ROR1: variants seen among roughly 807,000 people sequenced by gnomAD.
ROR1 encodes ROR family WNT receptor 1.
ROR1 carries 19 observed loss-of-function variants against 78.8 expected under a neutral mutation model. The ratio of observed to expected loss-of-function variants is 0.24; its 90% confidence interval spans 0.17 to 0.35. The LOEUF is 0.35. Among genes scored for constraint, ROR1 ranks in the 10% least tolerant of loss-of-function variants. ROR1 has a pLI of 1.00. For synonymous variants in ROR1, 386 were observed against 433.6 expected, an observed-to-expected ratio of 0.89 and a Z score of 1.36; for missense variants, 917 against 1,177.8, an observed-to-expected ratio of 0.78 and a Z score of 3.24.
intron 1 of ROR1, among the ~76,000 whole-genome samples, chr1:63,812,235 G>A (rs999978221): frequency 2.6e-5 from 4 of 152,206 alleles, no homozygotes; most frequent in Admixed American, 6.5e-5. Flanking sequence ...GCTGGAGTTC[G>A]CTAACCAAGG....
chr1:63,989,104 C>T (rs752538610), intron 1 of ROR1, among the ~76,000 whole-genome samples: 2 of 150,834 alleles, frequency 1.3e-5, no homozygotes, highest in South Asian at 2.1e-4. Flanking sequence ...TACATTCCTA[C>T]GAGCAGTGCA....
intron 8 of ROR1, among the ~76,000 whole-genome samples, chr1:64,161,042 C>G (rs972819900): frequency 3.9e-5 from 6 of 152,228 alleles, no homozygotes; most frequent in African/African-American, 1.4e-4. Flanking sequence ...CACATGATCT[C>G]CAACAGAAAT....
chr1:63,834,400 G>A lies in ROR1; in HGVS notation c.91+59892G>A, dbSNP rs116433780. Among the ~76,000 whole-genome samples, 976 of 150,130 alleles carry A rather than the reference G, an allele frequency of 6.5e-3. 11 individuals are homozygous for A. Among genetic ancestry groups the A allele is most frequent in the African/African-American group, 0.023 (944 of 40,966 alleles). On this transcript the variant is annotated intron_variant, in intron 1 of 8. Coordinates refer to ENST00000371079, the MANE Select transcript of ROR1 (RefSeq NM_005012.4). ...TTCCAGGTTTCTAGTTGATGTTACT[G>A]TTAAAAACAGAAGATGTTCAAACAT...
At chr1:64,159,219 T>G in intron 8 of ROR1, 27 bp downstream of exon 8, 1 of 1,551,386 alleles carries the variant, frequency 6.4e-7, no homozygotes, top group Non-Finnish European at 8.9e-7. Context: ...AGAGCTACAT[T>G]TGTTCCGTGG....
intron 4 of ROR1, among the ~76,000 whole-genome samples, chr1:64,123,059 C>A (rs1481637745): frequency 6.6e-6 from 1 of 152,162 alleles, no homozygotes; most frequent in Non-Finnish European, 1.5e-5. Flanking sequence ...AACTGATGCA[C>A]CATCTTGATT....
intron 4 of ROR1, among the ~76,000 whole-genome samples, chr1:64,131,971 A>G (rs1648927970): frequency 6.6e-6 from 1 of 152,164 alleles, no homozygotes; most frequent in South Asian, 2.1e-4. Flanking sequence ...GTATATTCAT[A>G]ATGTTGTATA....
chr1:64,178,023 CT>C lies in ROR1; in HGVS notation c.1983del (p.Glu662LysfsTer40). On this transcript the variant is annotated frameshift_variant, in exon 9 of 9. Transcript: ENST00000371079. LOFTEE classifies it high-confidence loss of function. The surrounding 1 kb of genome is among the most constrained non-coding windows in gnomAD (Gnocchi z 4.3). ...KSLLPIRWMP[P>X]EAIMYGKFSS... ...TTGCTGCCCATTCGCTGGATGCCCC[CT>C]GAAGCCATCATGTATGGCAAATTCT... 6.2e-7 allele frequency: 1 copy of C among 1,614,202 alleles called. No homozygotes were observed. The highest frequency in any genetic ancestry group is 8.5e-7 in the Non-Finnish European group (1 of 1,180,032).
chr1:64,155,755 C>G (rs994849149), intron 7 of ROR1, among the ~76,000 whole-genome samples: 1 of 152,162 alleles, frequency 6.6e-6, no homozygotes, highest in Non-Finnish European at 1.5e-5. Context: ...CTAAATTAGC[C>G]TCATCGCTTT....
At chr1:63,877,631 A>C (rs1645296430) in intron 1 of ROR1, among the ~76,000 whole-genome samples, 2 of 152,298 alleles carry the variant, frequency 1.3e-5, no homozygotes, top group Non-Finnish European at 2.9e-5. Context: ...CTGAAGACTC[A>C]GTAAGTAAAT....
intron 2 of ROR1, among the ~76,000 whole-genome samples, chr1:64,014,721 A>ATATATATATATATATATGTG (rs200268487): frequency 1.8e-5 from 1 of 55,330 alleles, no homozygotes; most frequent in South Asian, 9.1e-4. Context: ...GACTATATAT[A>ATATATATATATATATATGTG]TATATACACA....
At chr1:64,050,758 C>A (rs1448062896) in intron 4 of ROR1, 42 bp downstream of exon 4, 1 of 1,602,788 alleles carries the variant, frequency 6.2e-7, no homozygotes, top group Non-Finnish European at 8.5e-7. Context: ...CTAAGTGTTT[C>A]TCCGTGGTTT....
At chr1:63,846,427 TG>T (rs1212118514) in intron 1 of ROR1, among the ~76,000 whole-genome samples, 1 of 152,136 alleles carries the variant, frequency 6.6e-6, no homozygotes, top group Non-Finnish European at 1.5e-5. Flanking sequence ...AATGTCAAGG[TG>T]GGGGCCCTAT....
intron 1 of ROR1, among the ~76,000 whole-genome samples, chr1:63,780,669 G>A (rs903762556): frequency 6.6e-6 from 1 of 152,164 alleles, no homozygotes; most frequent in Non-Finnish European, 1.5e-5. Flanking sequence ...TGTTTTATAG[G>A]GAGCATGCAG....
intron 4 of ROR1, among the ~76,000 whole-genome samples, chr1:64,067,421 G>A (rs1055340797): frequency 8.6e-5 from 12 of 139,240 alleles, no homozygotes; most frequent in East Asian, 8.3e-4. Flanking sequence ...CTCCAGCCTG[G>A]GCGACAGAGC....
chr1:64,046,504 A>T (rs959104325), intron 2 of ROR1, among the ~76,000 whole-genome samples: 1 of 152,100 alleles, frequency 6.6e-6, no homozygotes, highest in Non-Finnish European at 1.5e-5. Context: ...TGCAACCCTC[A>T]TGTTGTTTTT....
chr1:64,125,771 C>G (rs186057833), intron 4 of ROR1, among the ~76,000 whole-genome samples: 5 of 152,106 alleles, frequency 3.3e-5, no homozygotes, highest in African/African-American at 1.2e-4. Flanking sequence ...TGAGGGCTTG[C>G]TAAAGGCTGA....
intron 4 of ROR1, chr1:64,106,632 A>G (rs1647823070): frequency 6.6e-6 from 1 of 152,130 alleles, no homozygotes. Context: ...GATATGTTCC[A>G]TCAATATCTA....
At chr1:64,057,428 A>G (rs1646883990) in intron 4 of ROR1, among the ~76,000 whole-genome samples, 1 of 152,232 alleles carries the variant, frequency 6.6e-6, no homozygotes. Context: ...GGAGAAACAA[A>G]ACCAGTAAAA....
chr1:64,140,478 T>C (rs747661901), intron 6 of ROR1, 52 bp downstream of exon 6: 2 of 1,545,488 alleles, frequency 1.3e-6, no homozygotes, highest in Admixed American at 3.5e-5. Flanking sequence ...AGCAACCTGT[T>C]GGCACAGGGA....
Sources: gnomAD v4.1 joint callset for allele counts (sites outside exome capture counted in the v4.1 genomes callset) on GRCh38, gnomAD v4.1.1 for gene constraint, Gnocchi (gnomAD v3.1) non-coding constraint, MANE v1.5 for transcripts, NCBI Gene and HGNC (gene_info 2026-07-23, HGNC 2026-07-21) for gene names.